Variants in SOX5 observed in about 807,000 individuals in gnomAD.
SOX5 encodes the protein transcription factor SOX-5.
Under a neutral mutation model 92.0 loss-of-function variants are expected in SOX5, and 9 were observed. The ratio of observed to expected loss-of-function variants is 0.10; its 90% CI spans 0.06 to 0.17. SOX5 has a LOEUF of 0.17. SOX5 is among the 10% of genes least tolerant of loss of function. The probability of loss-of-function intolerance (pLI) is 1.00; values close to 1 mark genes in which losing one functional copy is unlikely to be tolerated. For synonymous variants in SOX5, 344 were observed against 336.3 expected, an observed-to-expected ratio of 1.02 and a Z score of -0.25; for missense variants, 642 against 944.5, an observed-to-expected ratio of 0.68 and a Z score of 4.20.
At chr12:23,560,098 A>G (rs1400442732) in intron 11 of SOX5, among the ~76,000 whole-genome samples, 1 of 152,090 alleles carries the variant, frequency 6.6e-6, no homozygotes, top group African/African-American at 2.4e-5. Context: ...TTTAGTAGAG[A>G]CAAGGTTTCA....
intron 4 of SOX5, among the ~76,000 whole-genome samples, chr12:24,150,575 G>A (rs1164295541): frequency 6.6e-6 from 1 of 151,974 alleles, no homozygotes; most frequent in Admixed American, 6.6e-5. Context: ...AAGGTAAAAC[G>A]CCCAACAGAA....
chr12:23,753,882 A>G (rs2094272174), intron 4 of SOX5, among the ~76,000 whole-genome samples: 1 of 151,820 alleles, frequency 6.6e-6, no homozygotes, highest in South Asian at 2.1e-4. Context: ...CAGTAGGAAA[A>G]GTAACCCAGT....
intron 4 of SOX5, among the ~76,000 whole-genome samples, chr12:23,755,072 C>T (rs2094319155): frequency 6.6e-6 from 1 of 151,730 alleles, no homozygotes; most frequent in African/African-American, 2.4e-5. Flanking sequence ...GAAATTAAAT[C>T]TTCTCCCCTT....
intron 1 of SOX5, among the ~76,000 whole-genome samples, chr12:24,416,064 G>T (rs1234151268): frequency 6.6e-6 from 1 of 152,226 alleles, no homozygotes; most frequent in Non-Finnish European, 1.5e-5. Context: ...ACTTGGAGCT[G>T]CAGTGAGACA....
At chr12:23,929,538 G>T (rs968579343) in intron 1 of SOX5, among the ~76,000 whole-genome samples, 1 of 151,576 alleles carries the variant, frequency 6.6e-6, no homozygotes, top group South Asian at 2.1e-4. Flanking sequence ...ACAGAAAAGA[G>T]AAAATGAACC....
At chr12:23,770,372 T>C (rs976989636) in intron 3 of SOX5, among the ~76,000 whole-genome samples, 2 of 151,944 alleles carry the variant, frequency 1.3e-5, no homozygotes, top group Non-Finnish European at 2.9e-5. Context: ...CAAAAAGGAC[T>C]GTAGCCATTT....
chr12:23,726,675 G>A (rs759692604), intron 6 of SOX5, among the ~76,000 whole-genome samples: 3 of 152,110 alleles, frequency 2.0e-5, no homozygotes, highest in Non-Finnish European at 1.5e-5. Context: ...GAGCCTCAGT[G>A]AGAAACAGTT....
intron 1 of SOX5, among the ~76,000 whole-genome samples, chr12:23,926,233 A>T (rs1465783262): frequency 6.6e-6 from 1 of 152,126 alleles, no homozygotes; most frequent in African/African-American, 2.4e-5. Flanking sequence ...TCTCCTAAGA[A>T]GATGCACTGT....
chr12:24,044,310 G>C (rs1368395881), intron 4 of SOX5, among the ~76,000 whole-genome samples: 1 of 152,132 alleles, frequency 6.6e-6, no homozygotes, highest in African/African-American at 2.4e-5. Context: ...GCATTTAATA[G>C]GTAAGTGTGA....
At chr12:24,236,051 G>A (rs1040869755) in intron 3 of SOX5, among the ~76,000 whole-genome samples, 15 of 151,964 alleles carry the variant, frequency 9.9e-5, no homozygotes, top group Admixed American at 9.2e-4. Context: ...AATTAGCCGG[G>A]CGTGGTGGCG....
chr12:24,474,567 G>C (rs1051665589), intron 1 of SOX5, among the ~76,000 whole-genome samples: 1 of 152,108 alleles, frequency 6.6e-6, no homozygotes, highest in African/African-American at 2.4e-5. Flanking sequence ...ACAGAGTCTA[G>C]CTCTGTCACC....
At chr12:24,296,562 C>G (rs927287170) in intron 2 of SOX5, among the ~76,000 whole-genome samples, 1 of 152,270 alleles carries the variant, frequency 6.6e-6, no homozygotes, top group South Asian at 2.1e-4. Context: ...GATATTTATA[C>G]TGTAAAACTC....
At chr12:24,123,893 A>G (rs1443787736) in intron 4 of SOX5, among the ~76,000 whole-genome samples, 1 of 152,192 alleles carries the variant, frequency 6.6e-6, no homozygotes, top group African/African-American at 2.4e-5. Context: ...CCAGCTTGGT[A>G]GGCGATCCCA....
chr12:23,925,703 G>A (rs1052050042), intron 1 of SOX5, among the ~76,000 whole-genome samples: 23 of 152,112 alleles, frequency 1.5e-4, no homozygotes, highest in Middle Eastern at 3.4e-3. Flanking sequence ...ATATGTTCAA[G>A]ATACAATAAC....
chr12:24,465,724 C>A (rs763193723), intron 1 of SOX5, among the ~76,000 whole-genome samples: 1 of 152,096 alleles, frequency 6.6e-6, no homozygotes, highest in African/African-American at 2.4e-5. Flanking sequence ...TAGTCAGGGG[C>A]CAAATGAATT....
intron 4 of SOX5, among the ~76,000 whole-genome samples, chr12:24,071,990 G>T (rs879136763): frequency 6.6e-6 from 1 of 152,178 alleles, no homozygotes; most frequent in Non-Finnish European, 1.5e-5. Flanking sequence ...GAAGCACAAA[G>T]TAACCTGTTC....
intron 4 of SOX5, among the ~76,000 whole-genome samples, chr12:24,027,318 G>C (rs561671407): frequency 2.0e-5 from 3 of 152,050 alleles, no homozygotes; most frequent in Admixed American, 1.3e-4. Context: ...CCTGACTCTA[G>C]ACTACCATAT....
chr12:23,776,232 T>A (rs2095094854), intron 3 of SOX5, among the ~76,000 whole-genome samples: 2 of 152,250 alleles, frequency 1.3e-5, no homozygotes, highest in South Asian at 4.1e-4. Flanking sequence ...CTGGTCATTG[T>A]AACTTAAATG....
chr12:23,929,356 A>G (rs1378588853), intron 1 of SOX5, among the ~76,000 whole-genome samples: 1 of 152,020 alleles, frequency 6.6e-6, no homozygotes, highest in Non-Finnish European at 1.5e-5. Flanking sequence ...GTTAAAAAGG[A>G]TAATGTTGCT....
Sources: allele counts gnomAD v4.1 joint callset (sites outside exome capture counted in the v4.1 genomes callset), GRCh38; gene constraint gnomAD v4.1.1; transcripts MANE v1.5; gene names NCBI Gene and HGNC (gene_info 2026-07-23, HGNC 2026-07-21).